The following FOCAD variants were observed in gnomAD, a reference collection of about 807,000 sequenced individuals.
FOCAD encodes focadhesin.
Under a neutral mutation model 225.6 loss-of-function variants are expected in FOCAD, and 198 were observed. The ratio of observed to expected loss-of-function variants is 0.88; its 90% CI spans 0.78 to 0.99. The LOEUF is 0.99. FOCAD is among the 50% of genes least tolerant of loss of function. FOCAD has a pLI of 0.00. For synonymous variants in FOCAD, 897 were observed against 755.0 expected (o/e 1.19, Z -3.08); for missense variants, 2,713 against 2,123.6 (o/e 1.28, Z -5.46).
At chr9:20,965,643 A>G (rs7869781) in intron 35 of FOCAD, among the ~76,000 whole-genome samples, 7 of 151,900 alleles carry the variant, frequency 4.6e-5, no homozygotes, top group Non-Finnish European at 8.8e-5. Flanking sequence ...GAATGTTTTC[A>G]TTACCCCAAG....
At chr9:20,740,704 T>A (rs1042368062) in intron 5 of FOCAD, among the ~76,000 whole-genome samples, 3 of 152,172 alleles carry the variant, frequency 2.0e-5, no homozygotes, top group African/African-American at 7.2e-5. Flanking sequence ...TTAGGCAGGA[T>A]GGTAATCTGC....
At chr9:20,881,822 T>C in intron 19 of FOCAD, 49 bp from the exon 20 acceptor site, 1 of 1,567,716 alleles carries the variant, frequency 6.4e-7, no homozygotes, top group Non-Finnish European at 8.7e-7. Flanking sequence ...GTTTCTCTTC[T>C]AGCTTATTGT....
intron 35 of FOCAD, among the ~76,000 whole-genome samples, chr9:20,958,036 G>A (rs1049401127): frequency 6.6e-6 from 1 of 152,034 alleles, no homozygotes; most frequent in Admixed American, 6.6e-5. Flanking sequence ...CAGGCTGCCT[G>A]GGTTCATATC....
chr9:20,942,490 G>A (rs531109271), intron 28 of FOCAD, among the ~76,000 whole-genome samples: 12 of 152,164 alleles, frequency 7.9e-5, no homozygotes, highest in Non-Finnish European at 1.8e-4. Context: ...GCAAGAAACA[G>A]AAACTGAATT....
intron 21 of FOCAD, among the ~76,000 whole-genome samples, chr9:20,900,299 T>A (rs1274856249): frequency 6.6e-6 from 1 of 151,926 alleles, no homozygotes; most frequent in East Asian, 1.9e-4. Context: ...TATTTCCGCC[T>A]CAGCATTAGG....
intron 11 of FOCAD, among the ~76,000 whole-genome samples, chr9:20,815,439 C>T (rs1245410303): frequency 1.3e-5 from 2 of 151,706 alleles, no homozygotes; most frequent in Non-Finnish European, 2.9e-5. Flanking sequence ...GCCACTGCAC[C>T]CGGCCTCTCC....
At chr9:20,787,918 GT>G in intron 10 of FOCAD, among the ~76,000 whole-genome samples, 1 of 152,088 alleles carries the variant, frequency 6.6e-6, no homozygotes, top group East Asian at 1.9e-4. Flanking sequence ...TTCCTCATTT[GT>G]TTTTACTGTG....
intron 28 of FOCAD, among the ~76,000 whole-genome samples, chr9:20,933,900 C>T (rs1168256008): frequency 6.6e-6 from 1 of 151,980 alleles, no homozygotes; most frequent in Non-Finnish European, 1.5e-5. Flanking sequence ...TATGGCCATT[C>T]TTGCGGGAGT....
intron 41 of FOCAD, among the ~76,000 whole-genome samples, chr9:20,989,482 T>C (rs1188686483): frequency 6.6e-6 from 1 of 152,152 alleles, no homozygotes; most frequent in Non-Finnish European, 1.5e-5. Context: ...ATTGTCTAGA[T>C]TAGTCTGAAA....
At chr9:20,927,880 T>C (rs1468399022) in intron 26 of FOCAD, 1 of 151,846 alleles carries the variant, frequency 6.6e-6, no homozygotes, top group African/African-American at 2.4e-5. Flanking sequence ...GTCCTGCCCT[T>C]GGGAAGATCT....
At chr9:20,986,050 CACTG>C (rs577305341) in intron 39 of FOCAD, among the ~76,000 whole-genome samples, 23 of 152,112 alleles carry the variant, frequency 1.5e-4, no homozygotes, top group Admixed American at 1.2e-3. Flanking sequence ...TATATATCAT[CACTG>C]ACTAACTCCT....
At chr9:20,864,088 C>T (rs112506152) in intron 16 of FOCAD, among the ~76,000 whole-genome samples, 21 of 152,092 alleles carry the variant, frequency 1.4e-4, no homozygotes, top group African/African-American at 4.3e-4. Flanking sequence ...GAACATAGTC[C>T]CCTTAAAAGC....
chr9:20,908,669 C>A (rs1480069193), intron 22 of FOCAD, among the ~76,000 whole-genome samples: 1 of 152,084 alleles, frequency 6.6e-6, no homozygotes, highest in Non-Finnish European at 1.5e-5. Context: ...GGGCACCCAG[C>A]ATGTTTTGGA....
At chr9:20,890,051 C>G (rs916522879) in intron 21 of FOCAD, among the ~76,000 whole-genome samples, 1 of 152,016 alleles carries the variant, frequency 6.6e-6, no homozygotes. Context: ...TATGACCTTA[C>G]TAAACCAACT....
Position 20,980,093 on chromosome 9 carries a change from T to C in FOCAD, c.4378-1333T>C, listed in dbSNP as rs535572255. Among the ~76,000 whole-genome samples the C allele has an allele frequency of 4.3e-3, 651 of 152,002 alleles. 4 individuals are homozygous for C. The highest frequency in any genetic ancestry group is 7.4e-3 in the Non-Finnish European group (501 of 67,964). On this transcript the variant is annotated intron_variant, in intron 37 of 43. Coordinates refer to ENST00000338382, the MANE Select transcript of FOCAD (RefSeq NM_001375567.1). The stretch of plus-strand genomic sequence containing the variant: ...TCTGCTTTCTATTTGTAGTATTGCC[T>C]TTCTAAAATAACCTTTATTTATATA...
intron 2 of FOCAD, among the ~76,000 whole-genome samples, chr9:20,675,017 A>G (rs902150535): frequency 6.6e-6 from 1 of 152,242 alleles, no homozygotes; most frequent in Non-Finnish European, 1.5e-5. Flanking sequence ...ATATTCTGCA[A>G]AAATGCAAGA....
intron 21 of FOCAD, among the ~76,000 whole-genome samples, chr9:20,904,878 G>C (rs550888865): frequency 1.1e-4 from 17 of 151,944 alleles, no homozygotes; most frequent in Non-Finnish European, 2.4e-4. Flanking sequence ...AATGCTAATT[G>C]AATTTATTTT....
intron 1 of FOCAD, among the ~76,000 whole-genome samples, chr9:20,714,664 C>T (rs1011741734): frequency 2.0e-5 from 3 of 147,302 alleles, no homozygotes; most frequent in Admixed American, 6.7e-5. Flanking sequence ...TCCTTCCTTC[C>T]TTCCTTCCTT....
intron 24 of FOCAD, among the ~76,000 whole-genome samples, chr9:20,920,976 A>T (rs1057320349): frequency 7.9e-5 from 12 of 151,414 alleles, no homozygotes; most frequent in Non-Finnish European, 1.5e-4. Context: ...TAATAAAATT[A>T]AAAAATAAAT....
Sources: gnomAD v4.1 joint callset for allele counts (sites outside exome capture counted in the v4.1 genomes callset) on GRCh38, gnomAD v4.1.1 for gene constraint, MANE v1.5 for transcripts, NCBI Gene and HGNC (gene_info 2026-07-23, HGNC 2026-07-21) for gene names.